RAPGEF2: variants seen among roughly 807,000 people sequenced by gnomAD.
RAPGEF2 encodes Rap guanine nucleotide exchange factor 2, also known as PDZ domain containing guanine nucleotide exchange factor (GEF) 1.
In RAPGEF2, 54 loss-of-function variants were observed where a neutral mutation model predicts 186.7. That is an observed-to-expected ratio of 0.29 (90% CI 0.23 to 0.36). RAPGEF2 has a LOEUF of 0.36. RAPGEF2 is among the 10% of genes least tolerant of loss of function. The pLI is 1.00. For synonymous variants in RAPGEF2, 712 were observed against 705.9 expected, an observed-to-expected ratio of 1.01 and a Z score of -0.14; for missense variants, 1,532 against 2,045.0, an observed-to-expected ratio of 0.75 and a Z score of 4.84.
intron 7 of RAPGEF2, among the ~76,000 whole-genome samples, chr4:159,280,399 C>A (rs2110885959): frequency 6.6e-6 from 1 of 152,162 alleles, no homozygotes; most frequent in East Asian, 1.9e-4. Flanking sequence ...ACCCTGAAAT[C>A]CACTGATGAT....
At chr4:159,318,865 G>A (rs1266234351) in intron 9 of RAPGEF2, among the ~76,000 whole-genome samples, 1 of 151,974 alleles carries the variant, frequency 6.6e-6, no homozygotes, top group Admixed American at 6.6e-5. Flanking sequence ...AATTATTTGG[G>A]TTTTTTTATA....
intron 7 of RAPGEF2, among the ~76,000 whole-genome samples, chr4:159,253,518 T>G (rs564215780): frequency 1.3e-5 from 2 of 152,370 alleles, no homozygotes; most frequent in African/African-American, 2.4e-5. Context: ...CAAAATTCTT[T>G]TAGTTGAAAC....
chr4:159,222,228 A>G (rs1214548870), intron 4 of RAPGEF2, among the ~76,000 whole-genome samples: 1 of 152,220 alleles, frequency 6.6e-6, no homozygotes, highest in Admixed American at 6.5e-5. Context: ...TGGTTGCTAT[A>G]ACTACAACAT....
chr4:159,328,727 G>GT, intron 11 of RAPGEF2: 1 of 152,260 alleles, frequency 6.6e-6, no homozygotes, highest in South Asian at 2.1e-4. Flanking sequence ...ACATCAGGCT[G>GT]TTTACTCATC....
intron 7 of RAPGEF2, among the ~76,000 whole-genome samples, chr4:159,295,983 C>T (rs1213085326): frequency 6.6e-6 from 1 of 152,024 alleles, no homozygotes; most frequent in Non-Finnish European, 1.5e-5. Context: ...GCGATCTTAG[C>T]TTGGAATGTT....
intron 1 of RAPGEF2, among the ~76,000 whole-genome samples, chr4:159,122,172 G>C (rs1579238212): frequency 6.6e-6 from 1 of 150,764 alleles, no homozygotes; most frequent in Non-Finnish European, 1.5e-5. Flanking sequence ...AAGATGTAAA[G>C]AAATCTATGA....
At chr4:159,241,723 A>G (rs1233985213) in intron 6 of RAPGEF2, among the ~76,000 whole-genome samples, 1 of 151,974 alleles carries the variant, frequency 6.6e-6, no homozygotes, top group Admixed American at 6.5e-5. Flanking sequence ...ATGTAATTGT[A>G]ATTGGAATAT....
intron 7 of RAPGEF2, among the ~76,000 whole-genome samples, chr4:159,245,285 T>C (rs1056992814): frequency 1.3e-5 from 2 of 152,076 alleles, no homozygotes; most frequent in African/African-American, 4.8e-5. Context: ...GAGAATAGCA[T>C]TTTAAAATGC....
At chr4:159,350,967 AT>A (rs1402403860) in intron 26 of RAPGEF2, 5 of 1,353,690 alleles carry the variant, frequency 3.7e-6, no homozygotes, top group Non-Finnish European at 5.0e-6. Flanking sequence ...CTTGGTAGAT[AT>A]TTCAGACATC....
chr4:159,338,159 CT>C, intron 17 of RAPGEF2, 151 bp from the exon 18 acceptor site: 1 of 608,488 alleles, frequency 1.6e-6, no homozygotes, highest in Non-Finnish European at 2.7e-6. Flanking sequence ...GCAGTAGTTG[CT>C]TTTGCAGTTT....
chr4:159,214,935 T>G (rs1248522255), intron 4 of RAPGEF2, among the ~76,000 whole-genome samples: 11 of 152,188 alleles, frequency 7.2e-5, no homozygotes, highest in Non-Finnish European at 1.3e-4. Context: ...CAATCTCAGC[T>G]CACTGCAGCC....
At chr4:159,107,579 C>T (rs556576956) in intron 1 of RAPGEF2, among the ~76,000 whole-genome samples, 1 of 152,148 alleles carries the variant, frequency 6.6e-6, no homozygotes, top group African/African-American at 2.4e-5. Flanking sequence ...TGTAAAATAA[C>T]CCCCACCCCA....
Position 159,354,899 on chromosome 4 carries a change from G to A in RAPGEF2, c.4651+853G>A, listed in dbSNP as rs17038060. ...TTAACATCTATATAGACGAAGTGTA[G>A]GAACAGATGATAGGTTGTAGAGTGA... On this transcript the variant is annotated intron_variant, in intron 28 of 29. Transcript: ENST00000691494. 4.9e-3 allele frequency among the ~76,000 whole-genome samples: 745 copies of A among 152,308 alleles called. 6 individuals are homozygous for A. Among genetic ancestry groups the A allele is most frequent in the African/African-American group, 0.017 (699 of 41,572 alleles).
intron 1 of RAPGEF2, among the ~76,000 whole-genome samples, chr4:159,126,322 G>A (rs1740293380): frequency 6.6e-6 from 1 of 152,048 alleles, no homozygotes; most frequent in Non-Finnish European, 1.5e-5. Context: ...AAATAGCATA[G>A]GAGAGAGCAA....
chr4:159,309,091 G>A (rs1170240481), intron 8 of RAPGEF2, among the ~76,000 whole-genome samples: 1 of 152,192 alleles, frequency 6.6e-6, no homozygotes, highest in Non-Finnish European at 1.5e-5. Context: ...TTTGTTAAGT[G>A]AGTGTAATAC....
chr4:159,287,824 A>G (rs1014296091), intron 7 of RAPGEF2, among the ~76,000 whole-genome samples: 4 of 152,180 alleles, frequency 2.6e-5, no homozygotes, highest in African/African-American at 7.2e-5. Context: ...AAGCAGTGGC[A>G]TAGCTAATTC....
chr4:159,123,106 A>C (rs944659656), intron 1 of RAPGEF2, among the ~76,000 whole-genome samples: 1 of 152,188 alleles, frequency 6.6e-6, no homozygotes, highest in Non-Finnish European at 1.5e-5. Flanking sequence ...ATATGTGTTA[A>C]TCGAGTGTTT....
Position 159,338,548 on chromosome 4 carries a change from C to T in RAPGEF2, c.2293+80C>T, listed in dbSNP as rs1767798136. ...CATAATGGTCATATTATATGTATCT[C>T]TCTTCATTTGGCATGGATTATATCA... On this transcript the variant is annotated intron_variant, in intron 18 of 29. Coordinates refer to ENST00000691494, the MANE Select transcript of RAPGEF2 (RefSeq NM_001394067.2). 7 of 1,360,578 alleles carry T rather than the reference C, an allele frequency of 5.1e-6. No homozygotes were observed. The South Asian group carries it at 9.9e-5, about 19-fold the overall frequency. The allele number at this position is 1,360,578 out of a possible 1,614,324, so 84.3% of individuals were successfully genotyped here.
chr4:159,298,290 T>C (rs1366750155), intron 7 of RAPGEF2, among the ~76,000 whole-genome samples: 1 of 152,198 alleles, frequency 6.6e-6, no homozygotes, highest in African/African-American at 2.4e-5. Flanking sequence ...ATCTTTCTCT[T>C]TGCTTTGTGG....
Sources: gnomAD v4.1 joint callset for allele counts (sites outside exome capture counted in the v4.1 genomes callset) on GRCh38, gnomAD v4.1.1 for gene constraint, MANE v1.5 for transcripts, NCBI Gene and HGNC (gene_info 2026-07-23, HGNC 2026-07-21) for gene names.